EPHB1: variants seen among roughly 807,000 people sequenced by gnomAD.
The protein encoded by EPHB1 is EPH receptor B1.
A neutral mutation model predicts 94.4 loss-of-function variants in EPHB1; 30 were observed. That is an observed-to-expected ratio of 0.32 (90% confidence interval 0.24 to 0.43). The LOEUF (loss-of-function observed/expected upper bound fraction) is 0.43. Ranked by LOEUF, EPHB1 falls within the 20% of genes least tolerant of loss-of-function variation. The pLI is 1.00. For missense variants in EPHB1, 1,055 were observed against 1,308.3 expected, an observed-to-expected ratio of 0.81 and a Z score of 2.99; for synonymous variants, 522 against 489.1, an observed-to-expected ratio of 1.07 and a Z score of -0.89.
intron 4 of EPHB1, 94 bp downstream of exon 4, chr3:135,106,697 T>C: frequency 6.7e-7 from 1 of 1,498,652 alleles, no homozygotes; most frequent in Non-Finnish European, 9.1e-7. Flanking sequence ...CATCATCCTT[T>C]GATCCCAGGG....
At chr3:135,118,632 G>A (rs1475761378) in intron 4 of EPHB1, among the ~76,000 whole-genome samples, 1 of 152,154 alleles carries the variant, frequency 6.6e-6, no homozygotes, top group Non-Finnish European at 1.5e-5. Flanking sequence ...GATGTGACCT[G>A]GCACAAAATT....
chr3:135,065,210 T>C (rs544387639), intron 3 of EPHB1, among the ~76,000 whole-genome samples: 1 of 152,344 alleles, frequency 6.6e-6, no homozygotes, highest in Non-Finnish European at 1.5e-5. Context: ...TATATATTTA[T>C]TAAGTCCATT....
intron 3 of EPHB1, among the ~76,000 whole-genome samples, chr3:135,094,251 C>T: frequency 6.6e-6 from 1 of 152,228 alleles, no homozygotes; most frequent in East Asian, 1.9e-4. Context: ...CCCCTCCATG[C>T]TGATCATTTC....
chr3:134,872,267 C>T (rs967315493), intron 1 of EPHB1, among the ~76,000 whole-genome samples: 2 of 152,228 alleles, frequency 1.3e-5, no homozygotes, highest in African/African-American at 4.8e-5. Flanking sequence ...CAGGATATCT[C>T]ATAGAGCACA....
chr3:135,012,232 T>A (rs778369765), intron 3 of EPHB1, among the ~76,000 whole-genome samples: 1 of 152,186 alleles, frequency 6.6e-6, no homozygotes, highest in Non-Finnish European at 1.5e-5. Flanking sequence ...GCTGAGCACA[T>A]CAGGGCATTC....
intron 3 of EPHB1, among the ~76,000 whole-genome samples, chr3:135,073,983 A>T (rs1322939722): frequency 6.6e-6 from 1 of 152,202 alleles, no homozygotes; most frequent in East Asian, 1.9e-4. Flanking sequence ...TCATCCATGG[A>T]GGCACATCTT....
At chr3:134,818,584 C>G (rs1362667370) in intron 1 of EPHB1, among the ~76,000 whole-genome samples, 1 of 152,172 alleles carries the variant, frequency 6.6e-6, no homozygotes, top group Non-Finnish European at 1.5e-5. Context: ...CCTTGTTATG[C>G]CTTTGCATCC....
chr3:135,107,583 T>C (rs1175993817), intron 4 of EPHB1, among the ~76,000 whole-genome samples: 3 of 152,226 alleles, frequency 2.0e-5, no homozygotes, highest in African/African-American at 7.2e-5. Flanking sequence ...GACCTTTCTT[T>C]ACACCTGCTT....
intron 1 of EPHB1, among the ~76,000 whole-genome samples, chr3:134,832,709 CG>C (rs566031556): frequency 5.5e-4 from 84 of 152,314 alleles, no homozygotes; most frequent in South Asian, 1.2e-3. Flanking sequence ...TTGATGTCAT[CG>C]CACTCTAACT....
intron 12 of EPHB1, among the ~76,000 whole-genome samples, chr3:135,224,231 G>A (rs4472065): frequency 0.65 from 99,617 of 152,094 alleles, 33,844 homozygotes; most frequent in Middle Eastern, 0.76. Flanking sequence ...CTCAGAATGT[G>A]TCTCCATTGT....
chr3:135,173,595 G>A (rs1026967922), intron 9 of EPHB1, among the ~76,000 whole-genome samples: 1 of 152,178 alleles, frequency 6.6e-6, no homozygotes, highest in Non-Finnish European at 1.5e-5. Flanking sequence ...ACCACCCAGT[G>A]TCCTGGTCTT....
intron 1 of EPHB1, among the ~76,000 whole-genome samples, chr3:134,832,742 C>T (rs1179527080): frequency 2.6e-5 from 4 of 152,146 alleles, no homozygotes; most frequent in African/African-American, 9.7e-5. Flanking sequence ...CTGAAACTGG[C>T]TCTCAATTCC....
chr3:135,249,607 A>G, intron 15 of EPHB1, 116 bp downstream of exon 15: 2 of 1,262,316 alleles, frequency 1.6e-6, no homozygotes, highest in Non-Finnish European at 2.2e-6. Flanking sequence ...CCGTCTCTGT[A>G]TAGACCAGGC....
chr3:135,171,121 A>G (rs949376149), intron 9 of EPHB1, among the ~76,000 whole-genome samples: 1 of 152,178 alleles, frequency 6.6e-6, no homozygotes, highest in African/African-American at 2.4e-5. Context: ...AGTTCTGGGC[A>G]TTCACATTTG....
chr3:135,068,638 A>G lies in EPHB1; in HGVS notation c.806-37810A>G, dbSNP rs1005200429. Among the ~76,000 whole-genome samples the G allele has an allele frequency of 5.0e-4, 75 of 150,506 alleles. 1 individual carries two copies. The highest frequency in any genetic ancestry group is 1.8e-3 in the African/African-American group (74 of 40,254). ...ATTGATAGTGGTTTTTGAGGCACAGAAGTTTTTAATTTTTTTTTTTTTGTT... is the reference window on the plus strand; with the variant it reads ...ATTGATAGTGGTTTTTGAGGCACAGGAGTTTTTAATTTTTTTTTTTTTGTT... On this transcript the variant is annotated intron_variant, in intron 3 of 15. Transcript: ENST00000398015.
intron 5 of EPHB1, among the ~76,000 whole-genome samples, chr3:135,152,761 G>T (rs952942514): frequency 1.3e-5 from 2 of 152,268 alleles, no homozygotes; most frequent in Non-Finnish European, 2.9e-5. Context: ...TCATTCATTG[G>T]CTGGGAGCAG....
chr3:135,056,359 C>T (rs1268551380), intron 3 of EPHB1, among the ~76,000 whole-genome samples: 1 of 152,222 alleles, frequency 6.6e-6, no homozygotes, highest in Non-Finnish European at 1.5e-5. Flanking sequence ...CTTGACACAC[C>T]CTTCCCCTGT....
chr3:135,193,411 C>T (rs987420402), intron 11 of EPHB1, among the ~76,000 whole-genome samples: 11 of 152,194 alleles, frequency 7.2e-5, no homozygotes, highest in African/African-American at 2.7e-4. Context: ...GGCTGGGAGA[C>T]CTGTAAAAGA....
intron 3 of EPHB1, among the ~76,000 whole-genome samples, chr3:134,961,988 A>G (rs1323203965): frequency 6.6e-6 from 1 of 152,210 alleles, no homozygotes; most frequent in Non-Finnish European, 1.5e-5. Flanking sequence ...AATGCAGTAA[A>G]TTCTCAGAAG....
Sources: allele counts gnomAD v4.1 joint callset (sites outside exome capture counted in the v4.1 genomes callset), GRCh38; gene constraint gnomAD v4.1.1; transcripts MANE v1.5; gene names NCBI Gene and HGNC (gene_info 2026-07-23, HGNC 2026-07-21).